NKAIN3: variants seen among roughly 807,000 people sequenced by gnomAD.
NKAIN3 encodes the protein sodium/potassium-transporting ATPase subunit beta-1-interacting protein 3.
NKAIN3 carries 25 observed loss-of-function variants against 30.2 expected under a neutral mutation model. The observed-to-expected ratio is 0.83, with a 90% CI of 0.60 to 1.16. The LOEUF (loss-of-function observed/expected upper bound fraction) is 1.16, where lower values mean the gene tolerates loss of function less well. Among genes scored for constraint, NKAIN3 ranks in the 50% most tolerant of loss-of-function variants. The pLI is 0.00. For missense variants in NKAIN3, 225 were observed against 254.1 expected (o/e 0.89, Z 0.78); for synonymous variants, 91 against 89.6 (o/e 1.02, Z -0.09).
intron 1 of NKAIN3, among the ~76,000 whole-genome samples, chr8:62,306,969 T>C (rs1387338443): frequency 1.3e-5 from 2 of 150,254 alleles, no homozygotes; most frequent in African/African-American, 2.5e-5. Context: ...TCAGTATACA[T>C]TGGAAGAATC....
intron 5 of NKAIN3, among the ~76,000 whole-genome samples, chr8:62,995,161 G>C (rs1297913184): frequency 6.6e-6 from 1 of 152,202 alleles, no homozygotes; most frequent in South Asian, 2.1e-4. Context: ...TAATGCATCA[G>C]GGCTCAGTGA....
intron 4 of NKAIN3, among the ~76,000 whole-genome samples, chr8:62,753,361 G>A (rs560615662): frequency 1.3e-5 from 2 of 151,900 alleles, no homozygotes; most frequent in South Asian, 4.2e-4. Context: ...TTTAGCACCC[G>A]AACATCTGAA....
chr8:62,610,861 C>T (rs1302616981), intron 3 of NKAIN3, among the ~76,000 whole-genome samples: 1 of 152,078 alleles, frequency 6.6e-6, no homozygotes, highest in Non-Finnish European at 1.5e-5. Context: ...TTGAAATGAG[C>T]CCTACTACGT....
chr8:62,931,702 T>C (rs1025924431), intron 5 of NKAIN3, among the ~76,000 whole-genome samples: 1 of 152,210 alleles, frequency 6.6e-6, no homozygotes, highest in Non-Finnish European at 1.5e-5. Flanking sequence ...TCTCATTCCA[T>C]AAAATAATCT....
At chr8:62,364,013 C>T (rs1399974488) in intron 1 of NKAIN3, among the ~76,000 whole-genome samples, 1 of 152,002 alleles carries the variant, frequency 6.6e-6, no homozygotes, top group East Asian at 1.9e-4. Context: ...GAAATGGTTA[C>T]CCAGAAGGCA....
chr8:62,864,169 G>T lies in NKAIN3; in HGVS notation c.472-54284G>T, dbSNP rs916695963. ...ACCAGCCGGGCTGCGGCTTTCACTT[G>T]CTCAACCGACCGGGAGGAGGCTCTG... On this transcript the variant is annotated intron_variant, in intron 4 of 6. Coordinates refer to ENST00000623646, the MANE Select transcript of NKAIN3 (RefSeq NM_001304533.3). 4 of 633,474 alleles carry T rather than the reference G, an allele frequency of 6.3e-6. No individual in the cohort carries two copies. In the Admixed American group the frequency reaches 8.8e-5, roughly 14 times the overall value. The allele number at this position is 633,474 out of a possible 1,614,324, so 39.2% of individuals were successfully genotyped here.
At chr8:62,735,378 C>CTTT (rs200472150) in intron 3 of NKAIN3, among the ~76,000 whole-genome samples, 1 of 27,756 alleles carries the variant, frequency 3.6e-5, no homozygotes, top group East Asian at 4.9e-4. Flanking sequence ...TTCTTTCTTT[C>CTTT]TTTTTTTTTT....
chr8:62,803,096 G>A (rs1818131199), intron 4 of NKAIN3, among the ~76,000 whole-genome samples: 1 of 152,074 alleles, frequency 6.6e-6, no homozygotes, highest in Admixed American at 6.5e-5. Context: ...CAATATGAGA[G>A]CACCCAGATT....
chr8:62,816,173 C>T lies in NKAIN3; in HGVS notation c.471+69044C>T, dbSNP rs558923383. Among the ~76,000 whole-genome samples the T allele has an allele frequency of 4.5e-4, 68 of 152,164 alleles. 1 individual carries two copies. Among genetic ancestry groups the T allele is most frequent in the Non-Finnish European group, 9.0e-4 (61 of 68,032 alleles). ...CACTTCTTCCAACTTTATGGAGTAA[C>T]TTTCTCAGGAAATACTTTTTCCTGT... On this transcript the variant is annotated intron_variant, in intron 4 of 6. Coordinates refer to ENST00000623646, the MANE Select transcript of NKAIN3 (RefSeq NM_001304533.3).
intron 1 of NKAIN3, among the ~76,000 whole-genome samples, chr8:62,518,585 A>G (rs1808064815): frequency 6.6e-6 from 1 of 152,174 alleles, no homozygotes; most frequent in South Asian, 2.1e-4. Context: ...AGTATTGAGA[A>G]TATATGATTT....
chr8:62,925,870 A>AT (rs1822426213), intron 5 of NKAIN3, among the ~76,000 whole-genome samples: 1 of 152,156 alleles, frequency 6.6e-6, no homozygotes, highest in Non-Finnish European at 1.5e-5. Flanking sequence ...AGTCTGATGT[A>AT]TCAGCCTCAG....
intron 3 of NKAIN3, among the ~76,000 whole-genome samples, chr8:62,612,157 CTGTT>C (rs1811313389): frequency 6.6e-6 from 1 of 151,912 alleles, no homozygotes; most frequent in Non-Finnish European, 1.5e-5. Flanking sequence ...TATTATAAAT[CTGTT>C]TGAATTCCTT....
intron 1 of NKAIN3, among the ~76,000 whole-genome samples, chr8:62,571,271 G>A (rs1293045333): frequency 6.6e-6 from 1 of 152,116 alleles, no homozygotes; most frequent in Non-Finnish European, 1.5e-5. Flanking sequence ...AAGCAGCTGG[G>A]ACTACAGGCA....
chr8:62,292,568 A>C (rs1477470828), intron 1 of NKAIN3, among the ~76,000 whole-genome samples: 1 of 152,084 alleles, frequency 6.6e-6, no homozygotes, highest in Non-Finnish European at 1.5e-5. Context: ...TTGGCCCCTA[A>C]TCTCTTCTGG....
intron 3 of NKAIN3, among the ~76,000 whole-genome samples, chr8:62,706,767 T>A: frequency 6.6e-6 from 1 of 152,058 alleles, no homozygotes; most frequent in African/African-American, 2.4e-5. Flanking sequence ...ATTTGTGAGA[T>A]TTTAGTGCAC....
chr8:62,717,157 A>C (rs1283724712), intron 3 of NKAIN3, among the ~76,000 whole-genome samples: 1 of 152,206 alleles, frequency 6.6e-6, no homozygotes, highest in African/African-American at 2.4e-5. Flanking sequence ...CATACCCAGA[A>C]TGTAGAGTGT....
intron 4 of NKAIN3, among the ~76,000 whole-genome samples, chr8:62,892,408 G>T (rs990294726): frequency 6.6e-6 from 1 of 152,096 alleles, no homozygotes; most frequent in Admixed American, 6.6e-5. Context: ...TTTTAAAATT[G>T]TCGTCTTATT....
At chr8:62,432,296 G>T (rs1338372711) in intron 1 of NKAIN3, among the ~76,000 whole-genome samples, 1 of 152,056 alleles carries the variant, frequency 6.6e-6, no homozygotes, top group East Asian at 1.9e-4. Flanking sequence ...TGCCTTTCCA[G>T]TGGAGAAGAT....
intron 5 of NKAIN3, among the ~76,000 whole-genome samples, chr8:62,920,387 A>G (rs1016808125): frequency 6.6e-5 from 10 of 152,226 alleles, no homozygotes; most frequent in Admixed American, 6.5e-4. Context: ...AGATTAATCA[A>G]TAGTCTTATT....
Sources: gnomAD v4.1 joint callset for allele counts (sites outside exome capture counted in the v4.1 genomes callset) on GRCh38, gnomAD v4.1.1 for gene constraint, MANE v1.5 for transcripts, NCBI Gene and HGNC (gene_info 2026-07-23, HGNC 2026-07-21) for gene names.